Variants in FSTL4 observed in about 807,000 individuals in gnomAD.
The protein encoded by FSTL4 is follistatin-related protein 4.
Under a neutral mutation model 78.2 loss-of-function variants are expected in FSTL4, and 28 were observed. That is an observed-to-expected ratio of 0.36 (90% CI 0.27 to 0.49). The LOEUF (loss-of-function observed/expected upper bound fraction) is 0.49, where lower values mean the gene tolerates loss of function less well. Ranked by LOEUF, FSTL4 falls within the 20% of genes least tolerant of loss-of-function variation. The probability of loss-of-function intolerance (pLI) is 0.98; values close to 1 mark genes in which losing one functional copy is unlikely to be tolerated. For synonymous variants in FSTL4, 422 were observed against 440.5 expected (o/e 0.96, Z 0.53); for missense variants, 922 against 1,084.9 (o/e 0.85, Z 2.11).
chr5:133,498,564 C>A (rs949296994), intron 3 of FSTL4, among the ~76,000 whole-genome samples: 1 of 151,846 alleles, frequency 6.6e-6, no homozygotes, highest in Non-Finnish European at 1.5e-5. Flanking sequence ...ACTAAATATA[C>A]AAAATTAACT....
chr5:133,221,844 G>A (rs1373884530), intron 11 of FSTL4, among the ~76,000 whole-genome samples: 1 of 132,076 alleles, frequency 7.6e-6, no homozygotes, highest in Non-Finnish European at 1.6e-5. Context: ...AGAACATTAA[G>A]ATCTCTGTAA....
the FSTL4 span, among the ~76,000 whole-genome samples, chr5:133,829,311 G>C: frequency 1.3e-5 from 2 of 152,126 alleles, no homozygotes; most frequent in African/African-American, 4.8e-5. Context: ...CGCTTGAACC[G>C]GGAGGCAGAG....
intron 5 of FSTL4, among the ~76,000 whole-genome samples, chr5:133,313,622 T>G (rs1397749547): frequency 6.6e-6 from 1 of 152,072 alleles, no homozygotes; most frequent in Non-Finnish European, 1.5e-5. Flanking sequence ...TGATTTTATT[T>G]TATTTTGGTG....
At chr5:133,650,518 T>C in the FSTL4 span, among the ~76,000 whole-genome samples, 19 of 152,328 alleles carry the variant, frequency 1.2e-4, no homozygotes, top group South Asian at 3.9e-3. Context: ...TTTTTGCACA[T>C]GGATGACCAG....
At chr5:133,376,488 TAGA>T (rs1162615428) in intron 4 of FSTL4, among the ~76,000 whole-genome samples, 1 of 152,152 alleles carries the variant, frequency 6.6e-6, no homozygotes, top group Non-Finnish European at 1.5e-5. Context: ...ACGAACTCTG[TAGA>T]CATGCTCTTC....
At chr5:133,812,974 G>A in the FSTL4 span, among the ~76,000 whole-genome samples, 37,171 of 152,190 alleles carry the variant, frequency 0.24, 4,643 homozygotes, top group Non-Finnish European at 0.26. Context: ...CCAAAAGACA[G>A]TTCAGTGGAA....
At chr5:133,285,711 G>A (rs552050165) in intron 6 of FSTL4, among the ~76,000 whole-genome samples, 6 of 152,316 alleles carry the variant, frequency 3.9e-5, no homozygotes, top group African/African-American at 9.6e-5. Flanking sequence ...ACTCCCTGGC[G>A]AGTCAGTCTC....
intron 4 of FSTL4, among the ~76,000 whole-genome samples, chr5:133,360,473 A>AT (rs57176651): frequency 0.054 from 6,989 of 130,614 alleles, 243 homozygotes; most frequent in East Asian, 0.14. Context: ...TCAGGCAATA[A>AT]TTTTTTTTTT....
rs73788126 is a variant in FSTL4, at chr5:133,526,106, A to G, written c.160+41080T>C. On this transcript the variant is annotated intron_variant, in intron 3 of 15. Transcript: ENST00000265342. ...CAGATGAACAGCTTTGATACCTAGC[A>G]CTGTGATTTTCTAACTACAATGAGA... Among the ~76,000 whole-genome samples the G allele has an allele frequency of 8.4e-3, 1,273 of 152,298 alleles. 16 individuals carry two copies. Among genetic ancestry groups the G allele is most frequent in the African/African-American group, 0.029 (1,224 of 41,568 alleles).
rs539208585 is a variant in FSTL4, at chr5:133,438,202, C to T, written c.161-37216G>A. Among the ~76,000 whole-genome samples, 9 of 152,290 alleles carry T rather than the reference C, an allele frequency of 5.9e-5. No homozygotes were observed. In the South Asian group the frequency reaches 8.3e-4, roughly 14 times the overall value. On this transcript the variant is annotated intron_variant, in intron 3 of 15. Coordinates refer to ENST00000265342, the MANE Select transcript of FSTL4 (RefSeq NM_015082.2). ...TCTGAGAATGCCTTTCTTTTGCCTT[C>T]GACATGAACAACATCTAGGCAGAGG... is the stretch of plus-strand genomic sequence containing the variant.
chr5:133,530,319 C>A (rs929957037), intron 3 of FSTL4, among the ~76,000 whole-genome samples: 1 of 152,206 alleles, frequency 6.6e-6, no homozygotes, highest in Non-Finnish European at 1.5e-5. Context: ...AATGCCTCCC[C>A]ACTCATGCTG....
At chr5:133,467,255 T>TGA (rs1256056901) in intron 3 of FSTL4, among the ~76,000 whole-genome samples, 1 of 139,182 alleles carries the variant, frequency 7.2e-6, no homozygotes, top group Non-Finnish European at 1.5e-5. Context: ...TGAGTATATG[T>TGA]GAGTGTGTGT....
chr5:133,676,490 A>G, the FSTL4 span, among the ~76,000 whole-genome samples: 1 of 152,244 alleles, frequency 6.6e-6, no homozygotes, highest in Non-Finnish European at 1.5e-5. Flanking sequence ...ATCCTTTGAA[A>G]TGTAGCTGTT....
chr5:133,421,531 C>T (rs975505275), intron 3 of FSTL4, among the ~76,000 whole-genome samples: 5 of 152,256 alleles, frequency 3.3e-5, no homozygotes, highest in Admixed American at 1.3e-4. Flanking sequence ...CTGAGCTCTT[C>T]GCTTGCCCTT....
At chr5:133,497,390 C>T (rs1244544334) in intron 3 of FSTL4, among the ~76,000 whole-genome samples, 1 of 152,208 alleles carries the variant, frequency 6.6e-6, no homozygotes, top group Non-Finnish European at 1.5e-5. Flanking sequence ...GAATAATATA[C>T]ATAGAGCACT....
the FSTL4 span, among the ~76,000 whole-genome samples, chr5:133,693,476 C>T: frequency 7.9e-5 from 12 of 152,210 alleles, no homozygotes; most frequent in Non-Finnish European, 1.0e-4. Context: ...AGGGAAGGAG[C>T]GATTCTGATT....
At chr5:133,431,923 T>C (rs1392809676) in intron 3 of FSTL4, among the ~76,000 whole-genome samples, 1 of 152,194 alleles carries the variant, frequency 6.6e-6, no homozygotes, top group African/African-American at 2.4e-5. Context: ...AAGTGCAAGA[T>C]ACATTGGAAC....
the FSTL4 span, among the ~76,000 whole-genome samples, chr5:133,732,776 C>G: frequency 0.038 from 5,748 of 152,294 alleles, 380 homozygotes; most frequent in African/African-American, 0.13. Flanking sequence ...GCACGGCCCA[C>G]AGTGCAGGGG....
chr5:133,323,100 G>A (rs1157775081), intron 4 of FSTL4, among the ~76,000 whole-genome samples: 1 of 152,138 alleles, frequency 6.6e-6, no homozygotes, highest in Admixed American at 6.6e-5. Context: ...TCTTCAGGGG[G>A]ACACAGACTT....
Sources: allele counts gnomAD v4.1 joint callset (sites outside exome capture counted in the v4.1 genomes callset), GRCh38; gene constraint gnomAD v4.1.1; transcripts MANE v1.5; gene names NCBI Gene and HGNC (gene_info 2026-07-23, HGNC 2026-07-21).